Variants in CCDC43 observed in about 807,000 individuals in gnomAD.
The protein encoded by CCDC43 is coiled-coil domain-containing protein 43.
Under a neutral mutation model 33.3 loss-of-function variants are expected in CCDC43, and 20 were observed. The ratio of observed to expected loss-of-function variants is 0.60; its 90% CI spans 0.42 to 0.87. The LOEUF (loss-of-function observed/expected upper bound fraction) is 0.87. Among genes scored for constraint, CCDC43 ranks in the 40% least tolerant of loss-of-function variants. The probability of loss-of-function intolerance (pLI) is 0.00; values close to 1 mark genes in which losing one functional copy is unlikely to be tolerated. For synonymous variants in CCDC43, 104 were observed against 106.5 expected, an observed-to-expected ratio of 0.98 and a Z score of 0.14; for missense variants, 248 against 269.9, an observed-to-expected ratio of 0.92 and a Z score of 0.57.
In CCDC43 at chr17:44,680,584, C is replaced by T. The variant is rs746911070; in HGVS notation, c.487+1G>A. The T allele has an allele frequency of 5.6e-6, 9 of 1,602,338 alleles. No individual in the cohort carries two copies. Among genetic ancestry groups the T allele is most frequent in the African/African-American group, 4.0e-5 (3 of 74,782 alleles). The stretch of plus-strand genomic sequence containing the variant: ...ACATAGGGAGGGACCCAGAAGGATA[C>T]GTTTGTCAGAACCAATGTTCATTGT... On this transcript the variant is annotated splice_donor_variant, in intron 4 of 4. Transcript: ENST00000315286. LOFTEE classifies it high-confidence loss of function.
intron 4 of CCDC43, among the ~76,000 whole-genome samples, chr17:44,679,902 GA>G (rs995931056): frequency 8.3e-5 from 12 of 144,848 alleles, no homozygotes; most frequent in African/African-American, 1.8e-4. Context: ...CCAAAAAAAA[GA>G]AAAAAAAAAG....
intron 2 of CCDC43, 135 bp downstream of exon 2, chr17:44,683,737 G>A: frequency 1.7e-6 from 1 of 602,866 alleles, no homozygotes; most frequent in Non-Finnish European, 3.0e-6. Context: ...CAGGCTGTTG[G>A]GTGTTTGCCA....
intron 1 of CCDC43, 43 bp downstream of exon 1, chr17:44,689,507 A>G (rs1214574984): frequency 1.9e-6 from 3 of 1,612,760 alleles, no homozygotes. Flanking sequence ...ACAGGTCCTC[A>G]GATGCTGGCC....
chr17:44,689,741 T>G lies in CCDC43; in HGVS notation c.13A>C (p.Ser5Arg). MAAP[S>R]EVAAIAPGEG... ...CCAGGGGCTATCGCGGCCACTTCGC[T>G]GGGCGCCGCCATCTTGGGGTCAGGG... The change falls in exon 1 of 5, where the codon AGC (serine) becomes CGC (arginine). Residue 5 changes from serine to arginine, a missense_variant. By Grantham distance (110) the Ser-to-Arg change is moderately radical. Coordinates refer to ENST00000315286, the MANE Select transcript of CCDC43 (RefSeq NM_144609.3). 2 of 1,562,096 alleles carry G rather than the reference T, an allele frequency of 1.3e-6. No individual in the cohort carries two copies. Among genetic ancestry groups the G allele is most frequent in the South Asian group, 2.3e-5 (2 of 85,460 alleles).
intron 3 of CCDC43, 95 bp downstream of exon 3, chr17:44,681,908 G>A: frequency 6.8e-7 from 1 of 1,474,396 alleles, no homozygotes; most frequent in South Asian, 1.2e-5. Context: ...TTAAGCTATA[G>A]AGGGGGATTA....
At position 44,677,815 on chromosome 17, in the gene CCDC43, T is replaced by C. The variant is rs1327640566; in HGVS notation, c.*1041A>G. On this transcript the variant is annotated 3_prime_UTR_variant, in exon 5 of 5. Transcript: ENST00000315286. Reference sequence around the variant, plus strand: ...CTGGTATAAAATATCTACTTTGTCTTGTCAGAGAAATTGCTGTCCTTAGGC... The same window carrying C: ...CTGGTATAAAATATCTACTTTGTCTCGTCAGAGAAATTGCTGTCCTTAGGC... 1 of 152,244 alleles carries C rather than the reference T, an allele frequency of 6.6e-6. No individual in the cohort carries two copies. Among genetic ancestry groups the C allele is most frequent in the Admixed American group, 6.5e-5 (1 of 15,284 alleles). The allele number at this position is 152,244 out of a possible 1,614,324, so 9.4% of individuals were successfully genotyped here. A position where few individuals can be genotyped will look rare whatever the true frequency, so the allele number is the denominator to read the frequency against.
At chr17:44,682,188 C>A in intron 2 of CCDC43, 50 bp from the exon 3 acceptor site, 2 of 1,608,408 alleles carry the variant, frequency 1.2e-6, no homozygotes, top group Non-Finnish European at 1.7e-6. Flanking sequence ...AGAACAAGCT[C>A]ACTGAACCAC....
At chr17:44,684,361 T>G (rs1398707244) in intron 1 of CCDC43, among the ~76,000 whole-genome samples, 2 of 152,200 alleles carry the variant, frequency 1.3e-5, no homozygotes, top group African/African-American at 4.8e-5. Context: ...TCAAGCTAAT[T>G]AACAAATCTA....
At chr17:44,679,523 G>C (rs920018386) in intron 4 of CCDC43, among the ~76,000 whole-genome samples, 1 of 152,120 alleles carries the variant, frequency 6.6e-6, no homozygotes, top group Non-Finnish European at 1.5e-5. Context: ...TTATCAATTT[G>C]CTTTTGTTCC....
chr17:44,687,359 C>A (rs1210635153), intron 1 of CCDC43, among the ~76,000 whole-genome samples: 2 of 152,008 alleles, frequency 1.3e-5, no homozygotes, highest in African/African-American at 4.8e-5. Context: ...TCACCTGAAC[C>A]CAGGAGGCAG....
chr17:44,682,172 TGA>T (rs1230772108), intron 2 of CCDC43, 34 bp from the exon 3 acceptor site: 3 of 1,613,098 alleles, frequency 1.9e-6, no homozygotes, highest in Non-Finnish European at 2.5e-6. Flanking sequence ...CAAGGTTGTA[TGA>T]GAGAGAACAA....
chr17:44,682,956 C>A (rs1002371890), intron 2 of CCDC43, among the ~76,000 whole-genome samples: 5 of 152,318 alleles, frequency 3.3e-5, no homozygotes, highest in African/African-American at 1.2e-4. Context: ...AGTTCTCACA[C>A]TTGGTTGCAC....
intron 4 of CCDC43, among the ~76,000 whole-genome samples, chr17:44,680,254 C>T (rs1320006525): frequency 6.6e-6 from 1 of 152,112 alleles, no homozygotes; most frequent in Non-Finnish European, 1.5e-5. Context: ...TCCCAAAGTG[C>T]CAGGACTACA....
rs1441200028 is a variant in CCDC43 at position 44,683,980 on chromosome 17, A to G, written c.205-21T>C. The G allele has an allele frequency of 4.6e-6, 7 of 1,529,562 alleles. 1 individual carries two copies. Among genetic ancestry groups the G allele is most frequent in the Admixed American group, 3.3e-5 (2 of 59,734 alleles). 94.7% of individuals were successfully genotyped at this position (1,529,562 alleles called of 1,614,324 possible). On this transcript the variant is annotated intron_variant, in intron 1 of 4. Transcript: ENST00000315286. Reference sequence around the variant, plus strand: ...TCTTCCTAGTTGGAAAAGCAGACCAATTAATTTCCTGAGGGAGCCCTCAAA... The same window carrying G: ...TCTTCCTAGTTGGAAAAGCAGACCAGTTAATTTCCTGAGGGAGCCCTCAAA...
chr17:44,684,332 A>G lies in CCDC43; in HGVS notation c.205-373T>C, dbSNP rs980273767. On this transcript the variant is annotated intron_variant, in intron 1 of 4. Coordinates refer to ENST00000315286, the MANE Select transcript of CCDC43 (RefSeq NM_144609.3). ...CCCTGTGATGTCTCAATATATGTTCACATTGTAGAATAATTAAATCAAGCT... is the reference window on the plus strand; with the variant it reads ...CCCTGTGATGTCTCAATATATGTTCGCATTGTAGAATAATTAAATCAAGCT... Among the ~76,000 whole-genome samples the G allele has an allele frequency of 9.9e-5, 15 of 152,238 alleles. No individual in the cohort carries two copies. The South Asian group carries it at 2.7e-3, about 27-fold the overall frequency.
Position 44,682,088 on chromosome 17 carries a change from C to G in CCDC43, c.343G>C (p.Val115Leu), listed in dbSNP as rs1972171273. ...TCTTCTGACACCATCCTTGGCTTTA[C>G]TACGATTTGTGCCTGCTTCTCAATT... ...TLIEKQAQIV[V>L]KPRMVSEEEK... The change falls in exon 3 of 5, where the codon GTA becomes CTA. Residue 115 changes from valine (V) to leucine (L), a missense_variant. Val to Leu is a conservative substitution (Grantham distance 32). Coordinates refer to ENST00000315286, the MANE Select transcript of CCDC43 (RefSeq NM_144609.3). The G allele has an allele frequency of 6.2e-7, 1 of 1,614,014 alleles. No homozygotes were observed. Among genetic ancestry groups the G allele is most frequent in the Non-Finnish European group, 8.5e-7 (1 of 1,179,900 alleles).
At chr17:44,680,768 G>A (rs1972147534) in intron 3 of CCDC43, 125 bp from the exon 4 acceptor site, 7 of 679,076 alleles carry the variant, frequency 1.0e-5, no homozygotes, top group African/African-American at 5.2e-5. Context: ...GGGATATGGC[G>A]ATAAACCCAG....
intron 1 of CCDC43, among the ~76,000 whole-genome samples, chr17:44,686,079 A>T (rs1277146645): frequency 6.6e-6 from 1 of 152,034 alleles, no homozygotes; most frequent in African/African-American, 2.4e-5. Context: ...ACGCCCAGCT[A>T]ATTTTTTGTA....
At position 44,689,755 on chromosome 17, in the gene CCDC43, T is replaced by TA; in HGVS notation, c.-3_-2insT. The TA allele has an allele frequency of 6.4e-7, 1 of 1,550,736 alleles. No individual in the cohort carries two copies. The highest frequency in any genetic ancestry group is 8.7e-7 in the Non-Finnish European group (1 of 1,150,334). The stretch of plus-strand genomic sequence containing the variant: ...GGCCACTTCGCTGGGCGCCGCCATC[T>TA]TGGGGTCAGGGTCCTGCAAGCCCCT... On this transcript the variant is annotated 5_prime_UTR_variant, in exon 1 of 5. Transcript: ENST00000315286.
Sources: gnomAD v4.1 joint callset for allele counts (sites outside exome capture counted in the v4.1 genomes callset) on GRCh38, gnomAD v4.1.1 for gene constraint, MANE v1.5 for transcripts, NCBI Gene and HGNC (gene_info 2026-07-23, HGNC 2026-07-21) for gene names.